MAPK6: variants seen among roughly 807,000 people sequenced by gnomAD.
MAPK6 encodes the protein mitogen-activated protein kinase 6.
MAPK6 carries 19 observed loss-of-function variants against 59.3 expected under a neutral mutation model. The ratio of observed to expected loss-of-function variants is 0.32; its 90% CI spans 0.22 to 0.47. MAPK6 has a LOEUF of 0.47. Ranked by LOEUF, MAPK6 falls within the 20% of genes least tolerant of loss-of-function variation. The pLI is 1.00. For missense variants in MAPK6, 724 were observed against 847.9 expected, an observed-to-expected ratio of 0.85 and a Z score of 1.81; for synonymous variants, 316 against 290.3, an observed-to-expected ratio of 1.09 and a Z score of -0.90.
upstream of MAPK6, among the ~76,000 whole-genome samples, chr15:52,015,115 C>T (rs2030196690): frequency 6.6e-6 from 1 of 152,002 alleles, no homozygotes; most frequent in Admixed American, 6.6e-5. Context: ...ATTCTCCTGC[C>T]TCAGCCTCCT....
intron 1 of MAPK6, among the ~76,000 whole-genome samples, chr15:51,973,671 A>G (rs1336493841): frequency 6.7e-6 from 1 of 150,184 alleles, no homozygotes; most frequent in East Asian, 1.9e-4. Flanking sequence ...TTTTTTTTTT[A>G]AACAGAGTTT....
At chr15:52,015,060 G>A (rs2030194650), upstream of MAPK6, among the ~76,000 whole-genome samples, 1 of 152,294 alleles carries the variant, frequency 6.6e-6, no homozygotes, top group East Asian at 1.9e-4. Context: ...GAGTGCAATG[G>A]TGTGATCTCG....
At chr15:52,032,936 C>T (rs576856886) in intron 1 of MAPK6, among the ~76,000 whole-genome samples, 6 of 151,536 alleles carry the variant, frequency 4.0e-5, no homozygotes, top group African/African-American at 9.7e-5. Flanking sequence ...CTGCCCGCTT[C>T]AGCCTCCCAA....
rs764430987 is a variant in MAPK6, at chr15:52,022,572, A to G, written c.-632+3196A>G. On this transcript the variant is annotated intron_variant, in intron 1 of 5. Coordinates refer to ENST00000261845, the MANE Select transcript of MAPK6 (RefSeq NM_002748.4). ...CCCCTGCTCCCAGCCCATAAAATGT[A>G]TTGTTAATGTGAATTAAATTTTTGG... 3.9e-5 allele frequency among the ~76,000 whole-genome samples: 6 copies of G among 152,070 alleles called. No homozygotes were observed. In the East Asian group the frequency reaches 1.2e-3, roughly 29 times the overall value.
At chr15:52,025,387 A>G (rs779953830) in intron 1 of MAPK6, among the ~76,000 whole-genome samples, 5 of 152,222 alleles carry the variant, frequency 3.3e-5, no homozygotes, top group Non-Finnish European at 5.9e-5. Flanking sequence ...TGAACTTTCT[A>G]TGATGATAGA....
At chr15:52,025,108 G>GT (rs1221090443) in intron 1 of MAPK6, among the ~76,000 whole-genome samples, 1 of 151,964 alleles carries the variant, frequency 6.6e-6, no homozygotes, top group Non-Finnish European at 1.5e-5. Flanking sequence ...TGTTGTAGTG[G>GT]TGCACACCTT....
At chr15:51,981,016 C>T (rs1298358734) in intron 1 of MAPK6, among the ~76,000 whole-genome samples, 1 of 151,802 alleles carries the variant, frequency 6.6e-6, no homozygotes, top group African/African-American at 2.4e-5. Flanking sequence ...TAGCAAACCC[C>T]TTTCCTGAAC....
At chr15:52,016,224 T>TACTAAAA (rs963424523), upstream of MAPK6, among the ~76,000 whole-genome samples, 7 of 151,096 alleles carry the variant, frequency 4.6e-5, no homozygotes, top group African/African-American at 1.7e-4. Context: ...ACCCCGTCTC[T>TACTAAAA]ACTAAAAATA....
At chr15:52,003,027 A>C (rs977737217) in intron 2 of MAPK6, among the ~76,000 whole-genome samples, 7 of 152,136 alleles carry the variant, frequency 4.6e-5, no homozygotes, top group Non-Finnish European at 1.0e-4. Flanking sequence ...TCTCTACTAA[A>C]AATATAATAA....
chr15:51,994,637 A>G (rs1267168358), intron 2 of MAPK6, among the ~76,000 whole-genome samples: 1 of 152,330 alleles, frequency 6.6e-6, no homozygotes, highest in African/African-American at 2.4e-5. Context: ...TTAAGTACAA[A>G]GAGAAAAAGA....
chr15:52,061,637 C>A, intron 5 of MAPK6, 137 bp downstream of exon 5: 1 of 705,186 alleles, frequency 1.4e-6, no homozygotes, highest in Non-Finnish European at 2.3e-6. Flanking sequence ...AAAAATTAGT[C>A]AGGTGTGGTG....
chr15:51,983,170 G>A (rs1314242935), intron 1 of MAPK6, among the ~76,000 whole-genome samples: 2 of 152,152 alleles, frequency 1.3e-5, no homozygotes, highest in Non-Finnish European at 2.9e-5. Context: ...ATTTCTATTT[G>A]CAAAAACAAT....
chr15:52,018,956 G>A (rs2141841666), upstream of MAPK6: 1 of 152,468 alleles, frequency 6.6e-6, no homozygotes, highest in East Asian at 1.9e-4. Flanking sequence ...ACTGGGTTTG[G>A]TCACTTTGTT....
At chr15:52,049,509 G>C (rs2031708980) in intron 2 of MAPK6, among the ~76,000 whole-genome samples, 1 of 151,106 alleles carries the variant, frequency 6.6e-6, no homozygotes, top group African/African-American at 2.4e-5. Flanking sequence ...TGTATTTTTA[G>C]TAGAGGCAGA....
At chr15:52,039,559 A>G (rs1187144371) in intron 1 of MAPK6, among the ~76,000 whole-genome samples, 1 of 138,540 alleles carries the variant, frequency 7.2e-6, no homozygotes, top group Non-Finnish European at 1.5e-5. Flanking sequence ...TCTGTTGCCC[A>G]AGCTGGAGTG....
rs1003338661 is a variant in MAPK6, at chr15:52,046,935, T to C, written c.475T>C (p.Phe159Leu). ...LHRDLKPANL[F>L]INTEDLVLKI... ...CAGAGATCTCAAACCAGCTAATCTT[T>C]TCATTAATACGGAAGACTTGGTGCT... The change falls in exon 2 of 6, where the codon TTC becomes CTC. Residue 159 changes from phenylalanine (F) to leucine (L), a missense_variant. Physicochemically the swap from Phe to Leu is conservative, Grantham distance 22 (BLOSUM62 0). This residue lies in a region of MAPK6 where 105 missense variants were observed against 191.9 expected (regional missense o/e 0.55). Coordinates refer to ENST00000261845, the MANE Select transcript of MAPK6 (RefSeq NM_002748.4). The C allele has an allele frequency of 4.3e-6, 7 of 1,613,526 alleles. No individual in the cohort carries two copies. Among genetic ancestry groups the C allele is most frequent in the East Asian group, 2.2e-5 (1 of 44,898 alleles).
At chr15:51,996,446 A>G (rs1303441782) in intron 2 of MAPK6, among the ~76,000 whole-genome samples, 3 of 152,106 alleles carry the variant, frequency 2.0e-5, no homozygotes, top group African/African-American at 7.2e-5. Context: ...CCCAGGCTGG[A>G]GTGCAGTGGT....
chr15:52,020,295 CTG>C (rs1656214404), intron 1 of MAPK6, among the ~76,000 whole-genome samples: 1 of 152,148 alleles, frequency 6.6e-6, no homozygotes, highest in Non-Finnish European at 1.5e-5. Context: ...AGGGGGATCT[CTG>C]TGCAGCGGGA....
At position 52,058,700 on chromosome 15, in the gene MAPK6, T is replaced by C; in HGVS notation, c.768T>C (p.Arg256=). 6.2e-7 allele frequency: 1 copy of C among 1,613,728 alleles called. No homozygotes were observed. Among genetic ancestry groups the C allele is most frequent in the Non-Finnish European group, 8.5e-7 (1 of 1,179,790 alleles). The stretch of plus-strand genomic sequence containing the variant: ...TTCCTGTTGTACATGAGGAAGATCG[T>C]CAGGAGCTTCTCAGCGTAATTCCAG... ...ESIPVVHEED[R]QELLSVIPVY... The change falls in exon 4 of 6, where the codon CGT becomes CGC. Residue 256 remains arginine, a synonymous_variant. Transcript: ENST00000261845.
Sources: allele counts gnomAD v4.1 joint callset (sites outside exome capture counted in the v4.1 genomes callset), GRCh38; gene constraint gnomAD v4.1.1; regional missense constraint gnomAD v4.1.1; transcripts MANE v1.5; gene names NCBI Gene and HGNC (gene_info 2026-07-23, HGNC 2026-07-21).